The following TET3 variants were observed in gnomAD, a reference collection of about 807,000 sequenced individuals.
TET3 encodes the protein methylcytosine dioxygenase TET3.
Under a neutral mutation model 141.4 loss-of-function variants are expected in TET3, and 19 were observed. The ratio of observed to expected loss-of-function variants is 0.13; its 90% confidence interval spans 0.09 to 0.20. TET3 has a LOEUF of 0.20. Among genes scored for constraint, TET3 ranks in the 10% least tolerant of loss-of-function variants. The pLI, the probability that TET3 is intolerant of heterozygous loss-of-function variation, is 1.00. For synonymous variants in TET3, 1,043 were observed against 980.9 expected (o/e 1.06, Z -1.18); for missense variants, 1,874 against 2,356.9 (o/e 0.80, Z 4.24).
At chr2:74,090,148 A>G (rs2104092821) in intron 8 of TET3, 101 bp downstream of exon 8, 2 of 1,511,102 alleles carry the variant, frequency 1.3e-6, no homozygotes, top group South Asian at 1.3e-5. Context: ...ACTCAGATGC[A>G]CAGGAAGTGG....
intron 3 of TET3, among the ~76,000 whole-genome samples, chr2:74,013,261 T>C (rs1001071616): frequency 2.6e-5 from 4 of 152,132 alleles, no homozygotes; most frequent in Middle Eastern, 3.4e-3. Flanking sequence ...CCCAAAGTGC[T>C]GGGATTACAG....
chr2:74,129,168 G>A, the TET3 span, among the ~76,000 whole-genome samples: 1 of 150,724 alleles, frequency 6.6e-6, no homozygotes, highest in African/African-American at 2.4e-5. Flanking sequence ...ACTTAGCTGG[G>A]CATGGTGGCT....
chr2:74,075,782 A>G (rs1044836681), intron 5 of TET3, among the ~76,000 whole-genome samples: 3 of 152,206 alleles, frequency 2.0e-5, no homozygotes, highest in African/African-American at 7.2e-5. Flanking sequence ...GAACATTTAT[A>G]TTCACCAGTC....
intron 3 of TET3, among the ~76,000 whole-genome samples, chr2:74,013,751 G>T (rs1685589612): frequency 6.6e-6 from 1 of 152,144 alleles, no homozygotes; most frequent in East Asian, 1.9e-4. Flanking sequence ...GGCGGAGCTT[G>T]CAGTGAGCCG....
intron 3 of TET3, among the ~76,000 whole-genome samples, chr2:74,007,211 T>C (rs976725461): frequency 2.6e-5 from 4 of 152,198 alleles, no homozygotes; most frequent in African/African-American, 4.8e-5. Context: ...GACTTCAGCG[T>C]TGTGTTTGGG....
At chr2:73,985,909 C>G (rs928936622) in intron 1 of TET3, 71 bp from the exon 2 acceptor site, 1 of 152,602 alleles carries the variant, frequency 6.6e-6, no homozygotes, top group African/African-American at 2.4e-5. Flanking sequence ...TTCCCAGAAA[C>G]AGGAAGAAGT....
rs545683288 is a variant in TET3 at position 74,105,043 on chromosome 2, C to T, written c.*2867C>T. 4 of 396,456 alleles carry T rather than the reference C, an allele frequency of 1.0e-5. No individual in the cohort carries two copies. The highest frequency in any genetic ancestry group is 6.2e-5 in the African/African-American group (3 of 48,588). 24.6% of individuals were successfully genotyped at this position (396,456 alleles called of 1,614,324 possible). On this transcript the variant is annotated 3_prime_UTR_variant, in exon 12 of 12. Transcript: ENST00000409262. ...AAAGTAACTATGCACAGCTCTTTAT[C>T]CCCCCCTTGCTGCTGAAGCTTTCTT... is the stretch of plus-strand genomic sequence containing the variant.
chr2:74,133,332 T>A, the TET3 span, among the ~76,000 whole-genome samples: 1 of 152,232 alleles, frequency 6.6e-6, no homozygotes, highest in African/African-American at 2.4e-5. Context: ...AACACTGGCT[T>A]AAAACAACAA....
In TET3 at chr2:73,986,563, C is replaced by G; in HGVS notation, c.160C>G (p.Arg54Gly). Residue 54 changes from arginine (R) to glycine (G), a missense_variant, in exon 2 of 12, where the codon CGG becomes GGG. Around this residue, in one of 10 missense-constraint regions of TET3, gnomAD observed 366 missense variants for 487.0 expected, o/e 0.75. Coordinates refer to ENST00000409262, the MANE Select transcript of TET3 (RefSeq NM_001287491.2). ...AGGGGGTGGAGATGGTCGAAAGAAA[C>G]GGAAACGGTGTGGTACTTGTGAGCC... ...LRGGGDGRKK[R>G]KRCGTCEPCR... The G allele has an allele frequency of 8.1e-7, 1 of 1,232,236 alleles. No individual in the cohort carries two copies. The highest frequency in any genetic ancestry group is 1.0e-6 in the Non-Finnish European group (1 of 988,064). The allele number at this position is 1,232,236 out of a possible 1,614,324, so 76.3% of individuals were successfully genotyped here. A position where few individuals can be genotyped will look rare whatever the true frequency, so the allele number is the denominator to read the frequency against.
At chr2:74,007,733 G>A (rs1685217223) in intron 3 of TET3, among the ~76,000 whole-genome samples, 5 of 152,188 alleles carry the variant, frequency 3.3e-5, no homozygotes, top group Admixed American at 3.3e-4. Flanking sequence ...TCAGCTTTCT[G>A]GGTAAAGTGA....
chr2:74,039,897 C>T (rs1209107465), intron 3 of TET3, among the ~76,000 whole-genome samples: 1 of 152,150 alleles, frequency 6.6e-6, no homozygotes, highest in East Asian at 1.9e-4. Flanking sequence ...GCTGAATTGC[C>T]TTTTATGATC....
In TET3 at chr2:74,092,952, C is replaced by T. The variant is rs1351698116; in HGVS notation, c.3090C>T (p.Pro1030=). 3.2e-6 allele frequency: 5 copies of T among 1,585,750 alleles called. No individual in the cohort carries two copies. In the Admixed American group the frequency reaches 7.1e-5, roughly 23 times the overall value. The part of the protein sequence containing the change: ...SFQDLATEVA[P]LYKRLAPQAY... ...AGGACCTGGCCACCGAAGTCGCTCC[C>T]CTGTACAAGCGACTGGCCCCTCAGG... Residue 1030 remains proline, a synonymous_variant, in exon 9 of 12, where the codon CCC becomes CCT. Coordinates refer to ENST00000409262, the MANE Select transcript of TET3 (RefSeq NM_001287491.2).
chr2:74,080,191 T>C (rs1182242074), intron 5 of TET3, among the ~76,000 whole-genome samples: 1 of 152,230 alleles, frequency 6.6e-6, no homozygotes, highest in African/African-American at 2.4e-5. Context: ...TTGGTTTCAG[T>C]TCCCTTCTGG....
the TET3 span, among the ~76,000 whole-genome samples, chr2:74,124,800 G>A: frequency 2.0e-5 from 3 of 151,724 alleles, no homozygotes; most frequent in Non-Finnish European, 4.4e-5. Flanking sequence ...AAGGCCGCAG[G>A]GTCCTCTGTC....
chr2:73,983,764 G>T (rs1683867253), upstream of TET3, among the ~76,000 whole-genome samples: 1 of 152,188 alleles, frequency 6.6e-6, no homozygotes, highest in South Asian at 2.1e-4. Flanking sequence ...CGTGAGCACC[G>T]CCCAAACTGG....
intron 4 of TET3, among the ~76,000 whole-genome samples, chr2:74,064,714 A>G (rs1200485594): frequency 6.6e-6 from 1 of 152,196 alleles, no homozygotes; most frequent in African/African-American, 2.4e-5. Flanking sequence ...TTTTTTTTCA[A>G]TAAATATACT....
intron 2 of TET3, 118 bp from the exon 3 acceptor site, chr2:74,002,992 C>A: frequency 9.3e-7 from 1 of 1,076,578 alleles, no homozygotes; most frequent in South Asian, 1.4e-5. Context: ...CTTTCCCAGG[C>A]TGTATCCCCT....
chr2:74,096,724 C>T (rs1440421506), intron 10 of TET3, among the ~76,000 whole-genome samples: 9 of 149,102 alleles, frequency 6.0e-5, no homozygotes, highest in South Asian at 2.1e-4. Context: ...GCCGAGATGG[C>T]GCCACTGCAC....
At chr2:74,074,401 T>G (rs1269041324) in intron 5 of TET3, among the ~76,000 whole-genome samples, 1 of 152,258 alleles carries the variant, frequency 6.6e-6, no homozygotes, top group Non-Finnish European at 1.5e-5. Flanking sequence ...TTAGTGATTA[T>G]ATACATCATG....
Sources: gnomAD v4.1 joint callset for allele counts (sites outside exome capture counted in the v4.1 genomes callset) on GRCh38, gnomAD v4.1.1 for gene constraint, gnomAD v4.1.1 regional missense constraint, MANE v1.5 for transcripts, NCBI Gene and HGNC (gene_info 2026-07-23, HGNC 2026-07-21) for gene names.